Variants in SMYD3 observed in about 807,000 individuals in gnomAD.
The protein encoded by SMYD3 is SET and MYND domain containing 3.
In SMYD3, 36 loss-of-function variants were observed where a neutral mutation model predicts 57.7. That is an observed-to-expected ratio of 0.62 (90% confidence interval 0.48 to 0.82). The LOEUF (loss-of-function observed/expected upper bound fraction) is 0.82. Ranked by LOEUF, SMYD3 falls within the 40% of genes least tolerant of loss-of-function variation. The pLI, the probability that SMYD3 is intolerant of heterozygous loss-of-function variation, is 0.00. For synonymous variants in SMYD3, 211 were observed against 195.0 expected, an observed-to-expected ratio of 1.08 and a Z score of -0.68; for missense variants, 515 against 538.8, an observed-to-expected ratio of 0.96 and a Z score of 0.44.
At chr1:246,056,721 ACATG>A (rs1267182512) in intron 5 of SMYD3, among the ~76,000 whole-genome samples, 1 of 147,266 alleles carries the variant, frequency 6.8e-6, no homozygotes, top group East Asian at 1.9e-4. Context: ...TGCATTATAT[ACATG>A]TATCGAAATA....
At chr1:246,382,469 T>G (rs1178444074) in intron 1 of SMYD3, among the ~76,000 whole-genome samples, 1 of 151,914 alleles carries the variant, frequency 6.6e-6, no homozygotes. Flanking sequence ...ATCCACAGCC[T>G]TAGGCACCAG....
At chr1:246,038,710 T>TA (rs1490213091) in intron 5 of SMYD3, among the ~76,000 whole-genome samples, 2 of 152,226 alleles carry the variant, frequency 1.3e-5, no homozygotes, top group South Asian at 4.1e-4. Flanking sequence ...GGGCATCTGT[T>TA]AGAGTTCTTA....
chr1:246,005,112 G>C (rs1027745017), intron 5 of SMYD3, among the ~76,000 whole-genome samples: 2 of 152,124 alleles, frequency 1.3e-5, no homozygotes, highest in Non-Finnish European at 2.9e-5. Flanking sequence ...GCCTCCCAAA[G>C]TGCTGGTATT....
intron 5 of SMYD3, among the ~76,000 whole-genome samples, chr1:246,168,240 A>C (rs998904995): frequency 1.3e-5 from 2 of 152,220 alleles, no homozygotes; most frequent in African/African-American, 4.8e-5. Flanking sequence ...AAAAGCCAAT[A>C]AAAGTATGCA....
chr1:246,239,612 G>A (rs964489566), intron 5 of SMYD3, among the ~76,000 whole-genome samples: 4 of 152,160 alleles, frequency 2.6e-5, no homozygotes, highest in African/African-American at 7.2e-5. Context: ...ACCCAGTAAT[G>A]GGATGGCTGG....
chr1:245,762,682 G>C (rs2045901085), intron 11 of SMYD3, among the ~76,000 whole-genome samples: 1 of 152,226 alleles, frequency 6.6e-6, no homozygotes, highest in African/African-American at 2.4e-5. Context: ...TAGAGATCAA[G>C]TAAAGGCGCT....
chr1:246,370,404 C>T (rs2066174839), intron 1 of SMYD3, among the ~76,000 whole-genome samples: 1 of 152,130 alleles, frequency 6.6e-6, no homozygotes, highest in Non-Finnish European at 1.5e-5. Context: ...GAGTGAGTGG[C>T]AGAGAATGGT....
At chr1:246,269,909 T>G (rs2064187005) in intron 5 of SMYD3, among the ~76,000 whole-genome samples, 1 of 152,044 alleles carries the variant, frequency 6.6e-6, no homozygotes, top group African/African-American at 2.4e-5. Context: ...GTACATGAGG[T>G]TTACCTTCCC....
chr1:246,405,821 A>G (rs2102976254), intron 1 of SMYD3, among the ~76,000 whole-genome samples: 1 of 151,452 alleles, frequency 6.6e-6, no homozygotes, highest in East Asian at 1.9e-4. Context: ...GAGGCAGGAG[A>G]ATGGCGTGAA....
At chr1:246,360,751 GA>G (rs1304686698) in intron 1 of SMYD3, among the ~76,000 whole-genome samples, 2 of 152,166 alleles carry the variant, frequency 1.3e-5, no homozygotes, top group Non-Finnish European at 2.9e-5. Context: ...GCCACCTATA[GA>G]AGAATGAAAC....
intron 5 of SMYD3, among the ~76,000 whole-genome samples, chr1:246,139,478 C>G (rs1572094097): frequency 1.3e-5 from 2 of 152,260 alleles, no homozygotes; most frequent in East Asian, 3.9e-4. Context: ...TCCCTATTTT[C>G]CAGGAAAGGA....
At chr1:245,956,148 G>A (rs1002631965) in intron 5 of SMYD3, 1 of 781,926 alleles carries the variant, frequency 1.3e-6, no homozygotes, top group Non-Finnish European at 1.6e-6. Flanking sequence ...AAACTCCTGG[G>A]ATCAAGCAAT....
chr1:246,014,428 A>G, intron 5 of SMYD3, among the ~76,000 whole-genome samples: 1 of 152,172 alleles, frequency 6.6e-6, no homozygotes, highest in South Asian at 2.1e-4. Flanking sequence ...TGCTTTCTGT[A>G]GGAAGTGGGG....
chr1:245,852,511 G>A (rs2051029286), intron 10 of SMYD3, among the ~76,000 whole-genome samples: 2 of 152,188 alleles, frequency 1.3e-5, no homozygotes, highest in Admixed American at 6.5e-5. Context: ...AGAGAAATCG[G>A]TCATAATGTT....
rs532766801 is a variant in SMYD3, at chr1:246,394,352, C to T, written c.165-39258G>A. Among the ~76,000 whole-genome samples, 11 of 152,262 alleles carry T rather than the reference C, an allele frequency of 7.2e-5. No individual in the cohort carries two copies. In the South Asian group the frequency reaches 1.5e-3, roughly 20 times the overall value. On this transcript the variant is annotated intron_variant, in intron 1 of 11. Coordinates refer to ENST00000490107, the MANE Select transcript of SMYD3 (RefSeq NM_001167740.2). ...ACTCCTGTGTACCTCCTTGCCATAA[C>T]GAAAGGAAGTTTAACCCCACAGTAC...
At chr1:246,320,228 C>T (rs1443978432) in intron 5 of SMYD3, among the ~76,000 whole-genome samples, 1 of 151,998 alleles carries the variant, frequency 6.6e-6, no homozygotes, top group Non-Finnish European at 1.5e-5. Flanking sequence ...ACCAAAAACA[C>T]CCTCTAAAAT....
intron 5 of SMYD3, among the ~76,000 whole-genome samples, chr1:246,185,773 C>T (rs10924532): frequency 0.42 from 64,511 of 151,996 alleles, 15,977 homozygotes; most frequent in African/African-American, 0.68. Context: ...AATTCCTTTT[C>T]AAGAATTACA....
In SMYD3 at chr1:246,247,898, G is replaced by A. The variant is rs547278263; in HGVS notation, c.531+79303C>T. Among the ~76,000 whole-genome samples, 10 of 152,232 alleles carry A rather than the reference G, an allele frequency of 6.6e-5. No homozygotes were observed. In the South Asian group the frequency reaches 1.7e-3, roughly 25 times the overall value. On this transcript the variant is annotated intron_variant, in intron 5 of 11. Transcript: ENST00000490107. ...ATAAGTACTGCCTGGATTAGCGAGC[G>A]GTTATGAGCAAACGCTATCTGAGAA...
Position 245,764,155 on chromosome 1 carries a change from AGAAACCAAAC to A in SMYD3, c.1077-16_1077-7del. The A allele has an allele frequency of 6.2e-7, 1 of 1,609,076 alleles. No individual in the cohort carries two copies. The highest frequency in any genetic ancestry group is 8.5e-7 in the Non-Finnish European group (1 of 1,175,438). The stretch of plus-strand genomic sequence containing the variant: ...GGCTTCCTGGGAAAAAAATCCTGGA[AGAAACCAAAC>A]GGCAAACAGTGTCAGCAGCCCTCAC... On this transcript the variant is annotated splice_polypyrimidine_tract_variant and splice_region_variant and intron_variant, in intron 10 of 11. Transcript: ENST00000490107.
Sources: gnomAD v4.1 joint callset for allele counts (sites outside exome capture counted in the v4.1 genomes callset) on GRCh38, gnomAD v4.1.1 for gene constraint, MANE v1.5 for transcripts, NCBI Gene and HGNC (gene_info 2026-07-23, HGNC 2026-07-21) for gene names.